KIF5C: variants seen among roughly 807,000 people sequenced by gnomAD.
KIF5C encodes kinesin family member 5C.
Under a neutral mutation model 125.2 loss-of-function variants are expected in KIF5C, and 18 were observed. The observed-to-expected ratio is 0.14, with a 90% CI of 0.10 to 0.21. KIF5C has a LOEUF of 0.21. KIF5C is among the 10% of genes least tolerant of loss of function. The pLI, the probability that KIF5C is intolerant of heterozygous loss-of-function variation, is 1.00. For synonymous variants in KIF5C, 405 were observed against 434.0 expected, an observed-to-expected ratio of 0.93 and a Z score of 0.83; for missense variants, 780 against 1,183.8, an observed-to-expected ratio of 0.66 and a Z score of 5.01.
intron 21 of KIF5C, among the ~76,000 whole-genome samples, 154 bp downstream of exon 21, chr2:149,000,936 C>A (rs1006502033): frequency 6.6e-6 from 1 of 152,132 alleles, no homozygotes; most frequent in African/African-American, 2.4e-5. Flanking sequence ...AGAATTTAGT[C>A]CTCAACTTTT....
chr2:148,907,661 A>G (rs1004787716), intron 1 of KIF5C, among the ~76,000 whole-genome samples: 2 of 152,246 alleles, frequency 1.3e-5, no homozygotes, highest in South Asian at 2.1e-4. Context: ...GCCTGTGGGC[A>G]TCAGGGGAAG....
chr2:148,877,365 T>G (rs1405251631), intron 1 of KIF5C: 3 of 152,252 alleles, frequency 2.0e-5, no homozygotes, highest in Non-Finnish European at 4.4e-5. Flanking sequence ...GAAAGCGGGG[T>G]TTTCTCTCTG....
intron 12 of KIF5C, among the ~76,000 whole-genome samples, chr2:148,977,189 G>A (rs1681100604): frequency 6.6e-6 from 1 of 152,210 alleles, no homozygotes; most frequent in Non-Finnish European, 1.5e-5. Context: ...TATCATCCTT[G>A]TTCTTCATCC....
At chr2:148,981,659 C>A (rs1681241102) in intron 14 of KIF5C, 98 bp downstream of exon 14, 3 of 1,454,658 alleles carry the variant, frequency 2.1e-6, no homozygotes, top group Non-Finnish European at 2.7e-6. Context: ...GAGGCAGTGG[C>A]TGAATAGTTA....
chr2:149,021,907 C>T (rs899525139), intron 25 of KIF5C, among the ~76,000 whole-genome samples: 2 of 152,090 alleles, frequency 1.3e-5, no homozygotes, highest in Non-Finnish European at 2.9e-5. Context: ...GAGCTAGGGC[C>T]TCCAGCCGGT....
intron 1 of KIF5C, among the ~76,000 whole-genome samples, chr2:148,885,056 C>T (rs988008083): frequency 1.5e-4 from 23 of 151,676 alleles, no homozygotes; most frequent in South Asian, 6.3e-4. Context: ...CTGCAACCTC[C>T]GCCTCCACTC....
At chr2:148,901,513 C>T (rs1289504358) in intron 1 of KIF5C, among the ~76,000 whole-genome samples, 1 of 152,096 alleles carries the variant, frequency 6.6e-6, no homozygotes, top group Admixed American at 6.6e-5. Flanking sequence ...GGTATTTGAA[C>T]TATATGAACA....
intron 16 of KIF5C, among the ~76,000 whole-genome samples, chr2:148,992,371 C>T (rs1475555835): frequency 6.6e-6 from 1 of 152,000 alleles, no homozygotes; most frequent in East Asian, 1.9e-4. Flanking sequence ...ATAATTTAGT[C>T]CAGTAATTTC....
intron 1 of KIF5C, among the ~76,000 whole-genome samples, chr2:148,892,943 C>T (rs1238587950): frequency 6.6e-6 from 1 of 152,144 alleles, no homozygotes; most frequent in Non-Finnish European, 1.5e-5. Flanking sequence ...TTGTTTCCTT[C>T]TTTCCAGATG....
chr2:148,998,201 T>C, intron 18 of KIF5C, 199 bp from the exon 19 acceptor site: 1 of 857,832 alleles, frequency 1.2e-6, no homozygotes, highest in East Asian at 2.7e-5. Context: ...CCAACTTGGT[T>C]TGATAACAGA....
At chr2:148,957,456 TA>T (rs1239572578) in intron 10 of KIF5C, among the ~76,000 whole-genome samples, 1 of 152,032 alleles carries the variant, frequency 6.6e-6, no homozygotes, top group Non-Finnish European at 1.5e-5. Context: ...AAGTTGATGG[TA>T]AAAAGAAAAA....
intron 4 of KIF5C, among the ~76,000 whole-genome samples, chr2:148,938,643 C>T (rs937179501): frequency 5.3e-5 from 8 of 152,120 alleles, no homozygotes; most frequent in African/African-American, 1.9e-4. Context: ...GATGCACATG[C>T]TGTCTGGGGG....
At chr2:148,882,517 C>T (rs1681395046) in intron 1 of KIF5C, among the ~76,000 whole-genome samples, 1 of 152,150 alleles carries the variant, frequency 6.6e-6, no homozygotes, top group Non-Finnish European at 1.5e-5. Flanking sequence ...TGCCTACTCC[C>T]TAGCCTTACT....
rs774772941 is a variant in KIF5C, at chr2:149,008,014, A to G, written c.2497A>G (p.Lys833Glu). Residue 833 changes from lysine to glutamate, a missense_variant, in exon 23 of 26, where the codon AAA becomes GAA. Around this residue, in one of 2 missense-constraint regions of KIF5C, gnomAD observed 573 missense variants for 742.6 expected, o/e 0.77. Transcript: ENST00000435030. ...DGGGSAAQKQ[K>E]ISFLENNLEQ... ...AGGGGGCAGTGCTGCCCAGAAGCAG[A>G]AAATTTCCTTCTTGGAGAATAACCT... 14 of 1,612,260 alleles carry G rather than the reference A, an allele frequency of 8.7e-6. No homozygotes were observed. The highest frequency in any genetic ancestry group is 1.3e-5 in the African/African-American group (1 of 74,932).
intron 12 of KIF5C, 61 bp downstream of exon 12, chr2:148,973,572 A>T: frequency 8.6e-6 from 13 of 1,518,138 alleles, no homozygotes; most frequent in Non-Finnish European, 1.1e-5. Context: ...GGCAGGTCCC[A>T]GCTCCCTATG....
At chr2:149,011,768 G>A in intron 25 of KIF5C, 85 bp downstream of exon 25, 2 of 1,548,990 alleles carry the variant, frequency 1.3e-6, no homozygotes, top group Non-Finnish European at 1.8e-6. Flanking sequence ...AGTGGACCTT[G>A]AGTAGAGAGG....
At chr2:148,970,412 CA>C (rs1394876461) in intron 11 of KIF5C, among the ~76,000 whole-genome samples, 14 of 152,196 alleles carry the variant, frequency 9.2e-5, no homozygotes, top group African/African-American at 3.4e-4. Flanking sequence ...ATACTATCTT[CA>C]TTTATCTTTA....
At chr2:148,994,241 G>A (rs1681603378) in intron 16 of KIF5C, among the ~76,000 whole-genome samples, 180 bp from the exon 17 acceptor site, 1 of 152,130 alleles carries the variant, frequency 6.6e-6, no homozygotes, top group African/African-American at 2.4e-5. Context: ...GAGAAGCAGA[G>A]GTCTGTCTTG....
At chr2:148,943,830 A>G (rs1682463249) in intron 7 of KIF5C, among the ~76,000 whole-genome samples, 1 of 152,144 alleles carries the variant, frequency 6.6e-6, no homozygotes, top group East Asian at 1.9e-4. Context: ...AATTCTCAAC[A>G]TTTTCTCTAT....
Sources: gnomAD v4.1 joint callset for allele counts (sites outside exome capture counted in the v4.1 genomes callset) on GRCh38, gnomAD v4.1.1 for gene constraint, gnomAD v4.1.1 regional missense constraint, MANE v1.5 for transcripts, NCBI Gene and HGNC (gene_info 2026-07-23, HGNC 2026-07-21) for gene names.